Variants in KCNMA1 observed in about 807,000 individuals in gnomAD.
KCNMA1 encodes the protein potassium calcium-activated channel subfamily M alpha 1.
A neutral mutation model predicts 140.0 loss-of-function variants in KCNMA1; 29 were observed. The ratio of observed to expected loss-of-function variants is 0.21; its 90% CI spans 0.15 to 0.28. KCNMA1 has a LOEUF of 0.28. KCNMA1 is among the 10% of genes least tolerant of loss of function. KCNMA1 has a pLI of 1.00. For missense variants in KCNMA1, 880 were observed against 1,602.2 expected (o/e 0.55, Z 7.70); for synonymous variants, 612 against 611.9 (o/e 1.00, Z 0.00).
At chr10:77,480,087 G>A (rs894356313) in intron 1 of KCNMA1, among the ~76,000 whole-genome samples, 1 of 152,296 alleles carries the variant, frequency 6.6e-6, no homozygotes, top group African/African-American at 2.4e-5. Context: ...AGCTGGATGC[G>A]CCTCCCTCCG....
chr10:77,309,479 C>T (rs2078698560), intron 2 of KCNMA1: 1 of 152,226 alleles, frequency 6.6e-6, no homozygotes, highest in South Asian at 2.1e-4. Context: ...TGGTCACTCA[C>T]CTAGGTGGGT....
chr10:77,146,046 C>G (rs2098281756), intron 5 of KCNMA1, among the ~76,000 whole-genome samples: 1 of 152,154 alleles, frequency 6.6e-6, no homozygotes, highest in Admixed American at 6.5e-5. Context: ...TACTAGGAGC[C>G]AGATACTGGG....
chr10:76,949,262 C>T lies in KCNMA1; in HGVS notation c.2589G>A (p.Pro863=), dbSNP rs142004793. The change falls in exon 22 of 28, where the codon CCG becomes CCA. Residue 863 remains proline, a synonymous_variant. Coordinates refer to ENST00000286628, the MANE Select transcript of KCNMA1 (RefSeq NM_001161352.2). Reference sequence around the variant, plus strand: ...GGTAATGAAAGTTGCTGGCACGGAGCGGCATCACCAGGTTCCGGAGGCCGA... The same window carrying T: ...GGTAATGAAAGTTGCTGGCACGGAGTGGCATCACCAGGTTCCGGAGGCCGA... The part of the protein sequence containing the change: ...ALIGLRNLVM[P]LRASNFHYHE... The T allele has an allele frequency of 4.0e-5, 64 of 1,613,954 alleles. No homozygotes were observed. Among genetic ancestry groups the T allele is most frequent in the East Asian group, 3.8e-4 (17 of 44,878 alleles).
At chr10:77,233,669 ATTG>A (rs1565388770) in intron 3 of KCNMA1, among the ~76,000 whole-genome samples, 2 of 152,186 alleles carry the variant, frequency 1.3e-5, no homozygotes, top group Non-Finnish European at 1.5e-5. Flanking sequence ...TCTAGTGCCT[ATTG>A]TTTGAAGAAT....
chr10:77,107,687 A>G (rs1251237597), intron 9 of KCNMA1, among the ~76,000 whole-genome samples: 1 of 152,230 alleles, frequency 6.6e-6, no homozygotes, highest in African/African-American at 2.4e-5. Flanking sequence ...GAAGCCAAAC[A>G]AAAGATTTGG....
At chr10:77,360,017 A>C (rs2093816315) in intron 2 of KCNMA1, among the ~76,000 whole-genome samples, 1 of 152,224 alleles carries the variant, frequency 6.6e-6, no homozygotes, top group Non-Finnish European at 1.5e-5. Context: ...TATGAACCAC[A>C]AAGACAGGAA....
intron 1 of KCNMA1, among the ~76,000 whole-genome samples, chr10:77,450,750 G>C (rs910692924): frequency 4.6e-5 from 7 of 152,304 alleles, no homozygotes; most frequent in South Asian, 2.1e-4. Flanking sequence ...GGCCCCATGA[G>C]ACTCATTCCA....
At chr10:77,447,618 C>G (rs1297686782) in intron 1 of KCNMA1, among the ~76,000 whole-genome samples, 1 of 152,202 alleles carries the variant, frequency 6.6e-6, no homozygotes, top group East Asian at 1.9e-4. Context: ...GCATGGCTTC[C>G]TCTGGCTCCC....
chr10:76,953,822 C>T lies in KCNMA1; in HGVS notation c.2463G>A (p.Lys821=), dbSNP rs750684883. 6.2e-7 allele frequency: 1 copy of T among 1,614,112 alleles called. No individual in the cohort carries two copies. Among genetic ancestry groups the T allele is most frequent in the East Asian group, 2.2e-5 (1 of 44,882 alleles). The change falls in exon 21 of 28, where the codon AAG becomes AAA. Residue 821 remains lysine, a synonymous_variant. Transcript: ENST00000286628. ...STGMFHWCAP[K]EIEKVILTRS... is the part of the protein sequence containing the mutation. ...TCACCAGGATGACTTTCTCTATCTC[C>T]TTGGGTGCACACCAGTGAAACATCC...
At chr10:77,464,335 C>T (rs140053209) in intron 1 of KCNMA1, among the ~76,000 whole-genome samples, 5 of 152,174 alleles carry the variant, frequency 3.3e-5, no homozygotes, top group African/African-American at 9.6e-5. Context: ...CAGGCTGCCC[C>T]CTTCCGCTTT....
intron 1 of KCNMA1, among the ~76,000 whole-genome samples, chr10:77,521,350 C>T (rs2053317026): frequency 6.6e-6 from 1 of 152,256 alleles, no homozygotes; most frequent in South Asian, 2.1e-4. Flanking sequence ...TCCACCCCTA[C>T]ATTCTCACTC....
At chr10:77,227,363 T>G (rs1206300400) in intron 3 of KCNMA1, among the ~76,000 whole-genome samples, 1 of 152,222 alleles carries the variant, frequency 6.6e-6, no homozygotes, top group East Asian at 1.9e-4. Flanking sequence ...TCTCATGTTT[T>G]GGCATTAACC....
chr10:77,466,057 G>C (rs1344138819), intron 1 of KCNMA1, among the ~76,000 whole-genome samples: 4 of 152,208 alleles, frequency 2.6e-5, no homozygotes, highest in Admixed American at 6.5e-5. Context: ...CCCTTGGCGG[G>C]AGCATCAGGA....
At chr10:77,292,375 T>C (rs534253621) in intron 2 of KCNMA1, among the ~76,000 whole-genome samples, 25 of 152,338 alleles carry the variant, frequency 1.6e-4, no homozygotes, top group East Asian at 3.9e-4. Context: ...CAGCTGGAGA[T>C]AGAGCAAGGC....
chr10:77,073,702 T>A (rs1447246531), intron 13 of KCNMA1, among the ~76,000 whole-genome samples: 3 of 152,198 alleles, frequency 2.0e-5, no homozygotes, highest in Non-Finnish European at 4.4e-5. Context: ...GAATCACCTG[T>A]ACAGTTTCTG....
chr10:77,632,162 G>A (rs2093289986), intron 1 of KCNMA1, among the ~76,000 whole-genome samples: 1 of 152,144 alleles, frequency 6.6e-6, no homozygotes, highest in Non-Finnish European at 1.5e-5. Context: ...CTGTGATGTG[G>A]CCCTCCAAAG....
At chr10:77,545,214 G>C (rs1008796672) in intron 1 of KCNMA1, among the ~76,000 whole-genome samples, 1 of 152,196 alleles carries the variant, frequency 6.6e-6, no homozygotes, top group Non-Finnish European at 1.5e-5. Flanking sequence ...AACTCCCTGG[G>C]TTAACTGGAG....
Position 76,909,521 on chromosome 10 carries a change from C to T in KCNMA1, c.3147+445G>A, listed in dbSNP as rs187645291. Among the ~76,000 whole-genome samples the T allele has an allele frequency of 5.0e-4, 76 of 152,218 alleles. 1 individual carries two copies. In the East Asian group the frequency reaches 9.9e-3, roughly 20 times the overall value. On this transcript the variant is annotated intron_variant, in intron 25 of 27. Transcript: ENST00000286628. ...TCTAACCTTGGCCATCCTCCTGCAC[C>T]CTTGTCTCCCCATGGTCCAGCCTCA... is the stretch of plus-strand genomic sequence containing the variant.
chr10:77,412,870 T>C (rs992332145), intron 1 of KCNMA1, among the ~76,000 whole-genome samples: 2 of 152,110 alleles, frequency 1.3e-5, no homozygotes, highest in Non-Finnish European at 2.9e-5. Context: ...TTTTGTTTTG[T>C]TTTTTGAGAA....
Sources: gnomAD v4.1 joint callset for allele counts (sites outside exome capture counted in the v4.1 genomes callset) on GRCh38, gnomAD v4.1.1 for gene constraint, MANE v1.5 for transcripts, NCBI Gene and HGNC (gene_info 2026-07-23, HGNC 2026-07-21) for gene names.